Variants in PLB1 observed in about 807,000 individuals in gnomAD.
PLB1 encodes the protein phospholipase B1, membrane-associated.
PLB1 carries 242 observed loss-of-function variants against 227.4 expected under a neutral mutation model. The observed-to-expected ratio is 1.06, with a 90% CI of 0.96 to 1.18. The LOEUF is 1.18. Ranked by LOEUF, PLB1 falls within the 50% of genes most tolerant of loss-of-function variation. The probability of loss-of-function intolerance (pLI) is 0.00; values close to 1 mark genes in which losing one functional copy is unlikely to be tolerated. For missense variants in PLB1, 1,858 were observed against 1,816.3 expected (o/e 1.02, Z -0.42); for synonymous variants, 757 against 682.2 (o/e 1.11, Z -1.71).
chr2:28,604,974 C>T (rs1684460255), intron 41 of PLB1, among the ~76,000 whole-genome samples: 1 of 152,250 alleles, frequency 6.6e-6, no homozygotes, highest in Non-Finnish European at 1.5e-5. Context: ...TGAGCACCTA[C>T]TAGTGCCAGG....
In PLB1 at chr2:28,600,811, A is replaced by T; in HGVS notation, c.2477A>T (p.Asp826Val). Reference protein sequence around the residue: ...NQAVPGAKAEDLMSQVQTLMQ... With the variant: ...NQAVPGAKAEVLMSQVQTLMQ... ...GATGGGTTTTCTCTCTTTCTCAGGG[A>T]TCTTATGAGCCAAGTCCAAACTCTG... The change falls in exon 36 of 58, where the codon GAT becomes GTT. Residue 826 changes from aspartate to valine, a missense_variant and splice_region_variant. Asp to Val is a radical substitution (Grantham distance 152). Coordinates refer to ENST00000327757, the MANE Select transcript of PLB1 (RefSeq NM_153021.5). The T allele has an allele frequency of 1.2e-6, 2 of 1,613,500 alleles. No individual in the cohort carries two copies. Among genetic ancestry groups the T allele is most frequent in the Non-Finnish European group, 1.7e-6 (2 of 1,179,456 alleles).
intron 14 of PLB1, among the ~76,000 whole-genome samples, chr2:28,543,721 C>T (rs1672827983): frequency 6.6e-6 from 1 of 152,236 alleles, no homozygotes; most frequent in African/African-American, 2.4e-5. Context: ...GCTAAGCCCA[C>T]CACTCACAAG....
In PLB1 at chr2:28,591,121, C is replaced by T. The variant is rs754114805; in HGVS notation, c.2089-12C>T. ...GAATTTGCTGCCATTGCTCACCCCCCTCTCCTCACAGGTCCAGCCGTTTCT... is the reference window on the plus strand; with the variant it reads ...GAATTTGCTGCCATTGCTCACCCCCTTCTCCTCACAGGTCCAGCCGTTTCT... On this transcript the variant is annotated splice_polypyrimidine_tract_variant and intron_variant, in intron 29 of 57. Transcript: ENST00000327757. 13 of 1,614,196 alleles carry T rather than the reference C, an allele frequency of 8.1e-6. No individual in the cohort carries two copies. The highest frequency in any genetic ancestry group is 2.2e-5 in the East Asian group (1 of 44,878).
At chr2:28,616,657 C>T (rs1386962670) in intron 44 of PLB1, among the ~76,000 whole-genome samples, 2 of 152,166 alleles carry the variant, frequency 1.3e-5, no homozygotes, top group Non-Finnish European at 2.9e-5. Context: ...GGCTGAATAA[C>T]TTTTTACGTT....
chr2:28,572,780 G>C (rs1678227370), intron 20 of PLB1, among the ~76,000 whole-genome samples: 1 of 152,174 alleles, frequency 6.6e-6, no homozygotes, highest in Non-Finnish European at 1.5e-5. Context: ...GTGGGTACTA[G>C]GTTTCTTTCT....
chr2:28,634,866 G>A (rs1003885963), intron 56 of PLB1, among the ~76,000 whole-genome samples: 1 of 151,886 alleles, frequency 6.6e-6, no homozygotes, highest in Non-Finnish European at 1.5e-5. Context: ...AGCCGAGATG[G>A]CACCACCGCA....
intron 21 of PLB1, among the ~76,000 whole-genome samples, chr2:28,576,910 G>A (rs1679053278): frequency 6.6e-6 from 1 of 152,162 alleles, no homozygotes; most frequent in South Asian, 2.1e-4. Flanking sequence ...CTCACATCAG[G>A]CCAGTAGGGC....
chr2:28,620,515 C>A, intron 47 of PLB1, 85 bp from the exon 48 acceptor site: 1 of 1,495,992 alleles, frequency 6.7e-7, no homozygotes, highest in Non-Finnish European at 9.1e-7. Flanking sequence ...GCCCAGAACC[C>A]GGTTCCGGTT....
chr2:28,535,690 G>A (rs1194491633), intron 9 of PLB1, among the ~76,000 whole-genome samples: 2 of 152,188 alleles, frequency 1.3e-5, no homozygotes, highest in Non-Finnish European at 2.9e-5. Flanking sequence ...GGAGGCCAAG[G>A]CAGGTGGATC....
chr2:28,556,604 AT>A (rs1488416793), intron 17 of PLB1, among the ~76,000 whole-genome samples: 2 of 152,164 alleles, frequency 1.3e-5, no homozygotes, highest in African/African-American at 4.8e-5. Context: ...AGAAAAACAT[AT>A]TGGGCCTACT....
intron 56 of PLB1, 79 bp from the exon 57 acceptor site, chr2:28,640,848 C>G: frequency 7.0e-7 from 1 of 1,423,706 alleles, no homozygotes. Context: ...GGGAGGGGCT[C>G]TGGTGTGAGA....
At position 28,643,109 on chromosome 2, in the gene PLB1, A is replaced by G; in HGVS notation, c.*48A>G. ...TAAACTCCCTATAGCCACTCTCTTC[A>G]CCGCCCTCTGCCCCAGCCACTCCCG... On this transcript the variant is annotated 3_prime_UTR_variant, in exon 58 of 58. Transcript: ENST00000327757. The G allele has an allele frequency of 2.0e-6, 3 of 1,478,076 alleles. No homozygotes were observed. Among genetic ancestry groups the G allele is most frequent in the Non-Finnish European group, 2.7e-6 (3 of 1,101,242 alleles). 91.6% of individuals were successfully genotyped at this position (1,478,076 alleles called of 1,614,324 possible).
At chr2:28,535,384 C>T (rs1381419531) in intron 9 of PLB1, among the ~76,000 whole-genome samples, 1 of 152,206 alleles carries the variant, frequency 6.6e-6, no homozygotes, top group African/African-American at 2.4e-5. Context: ...TTCCACTTAC[C>T]CCAGAGGCCC....
chr2:28,630,231 C>T (rs1480169896), intron 53 of PLB1, among the ~76,000 whole-genome samples: 1 of 152,174 alleles, frequency 6.6e-6, no homozygotes, highest in Non-Finnish European at 1.5e-5. Context: ...ACTCCAGTCT[C>T]CTGTCTACCC....
At chr2:28,550,168 TG>T in intron 16 of PLB1, 84 bp downstream of exon 16, 2 of 1,006,280 alleles carry the variant, frequency 2.0e-6, no homozygotes, top group African/African-American at 1.7e-5. Context: ...ACCTTCCACG[TG>T]GTTTTTTTTT....
intron 25 of PLB1, among the ~76,000 whole-genome samples, chr2:28,583,528 G>T (rs1473633270): frequency 6.6e-6 from 1 of 152,172 alleles, no homozygotes; most frequent in Admixed American, 6.6e-5. Flanking sequence ...ACCACAAGGG[G>T]AAAATTCCAC....
At chr2:28,576,332 G>A (rs1203185940) in intron 21 of PLB1, among the ~76,000 whole-genome samples, 1 of 152,202 alleles carries the variant, frequency 6.6e-6, no homozygotes, top group Non-Finnish European at 1.5e-5. Context: ...ATACAGCAGT[G>A]CACCATTTAC....
At chr2:28,584,038 C>T (rs112256872) in intron 25 of PLB1, among the ~76,000 whole-genome samples, 1,911 of 152,248 alleles carry the variant, frequency 0.013, 14 homozygotes, top group Middle Eastern at 0.031. Flanking sequence ...GTCACTGAGA[C>T]TGTGCTCCCC....
chr2:28,578,498 G>A (rs566408861), intron 22 of PLB1, among the ~76,000 whole-genome samples: 10 of 152,256 alleles, frequency 6.6e-5, no homozygotes, highest in African/African-American at 9.6e-5. Context: ...TATAAGACAC[G>A]GTGGGGTGCA....
Sources: gnomAD v4.1 joint callset for allele counts (sites outside exome capture counted in the v4.1 genomes callset) on GRCh38, gnomAD v4.1.1 for gene constraint, MANE v1.5 for transcripts, NCBI Gene and HGNC (gene_info 2026-07-23, HGNC 2026-07-21) for gene names.